The following ZNF195 variants were observed in gnomAD, a reference collection of about 807,000 sequenced individuals.
The protein encoded by ZNF195 is hypoxia-regulated factor-1.
A neutral mutation model predicts 19.5 loss-of-function variants in ZNF195; 11 were observed. That is an observed-to-expected ratio of 0.57 (90% confidence interval 0.36 to 0.94). The LOEUF is 0.94. Among genes scored for constraint, ZNF195 ranks in the 40% least tolerant of loss-of-function variants. ZNF195 has a pLI of 0.01. For synonymous variants in ZNF195, 214 were observed against 248.1 expected (o/e 0.86, Z 1.29); for missense variants, 582 against 709.0 (o/e 0.82, Z 2.03).
rs116966514 is a variant in ZNF195 at position 3,379,064 on chromosome 11, C to T, written c.-24G>A. ...ATCTCCTGGCCTCCAGAGAGCCTGGCGTTTCACTTCTGGATCTCCCGGTGC... is the reference window on the plus strand; with the variant it reads ...ATCTCCTGGCCTCCAGAGAGCCTGGTGTTTCACTTCTGGATCTCCCGGTGC... On this transcript the variant is annotated 5_prime_UTR_variant, in exon 1 of 6. Coordinates refer to ENST00000399602, the MANE Select transcript of ZNF195 (RefSeq NM_001130520.3). The T allele has an allele frequency of 6.2e-3, 9,219 of 1,495,762 alleles. 40 individuals are homozygous for T. Among genetic ancestry groups the T allele is most frequent in the Non-Finnish European group, 7.1e-3 (7,864 of 1,112,548 alleles). The allele number at this position is 1,495,762 out of a possible 1,614,324, so 92.7% of individuals were successfully genotyped here. A position where few individuals can be genotyped will look rare whatever the true frequency, so the allele number is the denominator to read the frequency against.
chr11:3,377,533 C>T (rs1370568541), intron 1 of ZNF195: 7 of 990,690 alleles, frequency 7.1e-6, no homozygotes, highest in Non-Finnish European at 8.7e-6. Flanking sequence ...CTGACAGGGG[C>T]ATGTGATTGG....
At chr11:3,370,451 T>G (rs1188484979) in intron 3 of ZNF195, among the ~76,000 whole-genome samples, 1 of 152,180 alleles carries the variant, frequency 6.6e-6, no homozygotes, top group Non-Finnish European at 1.5e-5. Context: ...ATGCCTAGTG[T>G]TCGGAGAAAA....
intron 3 of ZNF195, chr11:3,362,400 GA>G (rs1260005545): frequency 1.8e-5 from 6 of 328,628 alleles, no homozygotes; most frequent in African/African-American, 1.3e-4. Context: ...TTTGAAAGAT[GA>G]AAGTAGAAAA....
At position 3,370,595 on chromosome 11, in the gene ZNF195, G is replaced by T. The variant is rs138337683; in HGVS notation, c.226+380C>A. On this transcript the variant is annotated intron_variant, in intron 3 of 5. Transcript: ENST00000399602. ...ACCAATCACCATCACCACGCCTCTCGCACACTTCAGACATGATGCAAAGGA... is the reference window on the plus strand; with the variant it reads ...ACCAATCACCATCACCACGCCTCTCTCACACTTCAGACATGATGCAAAGGA... Among the ~76,000 whole-genome samples the T allele has an allele frequency of 6.9e-3, 1,048 of 152,230 alleles. 12 individuals are homozygous for T. The highest frequency in any genetic ancestry group is 0.024 in the African/African-American group (997 of 41,536).
chr11:3,377,464 C>T (rs1464744021), intron 1 of ZNF195, among the ~76,000 whole-genome samples: 1 of 152,248 alleles, frequency 6.6e-6, no homozygotes, highest in African/African-American at 2.4e-5. Context: ...TTGAAACATT[C>T]TGTCTCCCTT....
At chr11:3,375,994 C>T (rs902908610) in intron 1 of ZNF195, among the ~76,000 whole-genome samples, 7 of 152,080 alleles carry the variant, frequency 4.6e-5, no homozygotes, top group Admixed American at 6.6e-5. Flanking sequence ...CTCCCTGTTG[C>T]AATCCTCCTT....
In ZNF195 at chr11:3,360,291, A is replaced by G. The variant is rs1306375322; in HGVS notation, c.717T>C (p.Thr239=). 3.7e-6 allele frequency: 6 copies of G among 1,610,370 alleles called. No homozygotes were observed. In the South Asian group the frequency reaches 5.5e-5, roughly 15 times the overall value. The change falls in exon 6 of 6, where the codon ACT becomes ACC. Residue 239 remains threonine (T), a synonymous_variant. Coordinates refer to ENST00000399602, the MANE Select transcript of ZNF195 (RefSeq NM_001130520.3). The part of the protein sequence containing the change: ...SNLHRRNISN[T]GEKPFKCQEC... ...CTTGACATTTGAAAGGTTTCTCTCC[A>G]GTATTACTTATATTACGTCTATGTA... is the stretch of plus-strand genomic sequence containing the variant.
chr11:3,358,936 A>G lies in ZNF195; in HGVS notation c.*182T>C, dbSNP rs900908418. The G allele has an allele frequency of 1.2e-6, 1 of 823,494 alleles. No homozygotes were observed. Among genetic ancestry groups the G allele is most frequent in the East Asian group, 3.1e-5 (1 of 32,124 alleles). The allele number at this position is 823,494 out of a possible 1,614,324, so 51.0% of individuals were successfully genotyped here. A position where few individuals can be genotyped will look rare whatever the true frequency, so the allele number is the denominator to read the frequency against. On this transcript the variant is annotated 3_prime_UTR_variant, in exon 6 of 6. Coordinates refer to ENST00000399602, the MANE Select transcript of ZNF195 (RefSeq NM_001130520.3). ...AACTGATGCAAGTCTTCCATCTAGT[A>G]TAATTGTAACATTTTTTTCAGAAGA...
intron 1 of ZNF195, among the ~76,000 whole-genome samples, chr11:3,373,138 T>C (rs1462759354): frequency 6.6e-6 from 1 of 152,266 alleles, no homozygotes; most frequent in African/African-American, 2.4e-5. Flanking sequence ...TTCTGAGAGA[T>C]AAATGTCATC....
chr11:3,359,290 G>C lies in ZNF195; in HGVS notation c.1718C>G (p.Thr573Ser), dbSNP rs1848513536. 1 of 1,613,850 alleles carries C rather than the reference G, an allele frequency of 6.2e-7. No homozygotes were observed. Among genetic ancestry groups the C allele is most frequent in the African/African-American group, 1.3e-5 (1 of 74,990 alleles). ...SDITKHKKTHTGEKPYKCDEC... is the reference protein window; with the variant it reads ...SDITKHKKTHSGEKPYKCDEC... Reference sequence around the variant, plus strand: ...GTCACATTTGTAGGGTTTCTCTCCAGTATGGGTTTTCTTATGTTTGGTAAT... The same window carrying C: ...GTCACATTTGTAGGGTTTCTCTCCACTATGGGTTTTCTTATGTTTGGTAAT... Residue 573 changes from threonine to serine, a missense_variant, in exon 6 of 6, where the codon ACT (threonine) becomes AGT (serine). Around this residue, in one of 3 missense-constraint regions of ZNF195, gnomAD observed 407 missense variants for 530.5 expected, o/e 0.77. Transcript: ENST00000399602. This position sits in a 1 kb window ranked among gnomAD's most constrained non-coding sequence, Gnocchi z 5.5.
At chr11:3,373,554 C>A in intron 1 of ZNF195, 3 of 1,535,522 alleles carry the variant, frequency 2.0e-6, no homozygotes, top group Non-Finnish European at 2.6e-6. Flanking sequence ...GTGGACACAA[C>A]CCCTGACCTG....
intron 3 of ZNF195, among the ~76,000 whole-genome samples, chr11:3,368,225 T>C (rs970124880): frequency 2.0e-5 from 3 of 152,304 alleles, no homozygotes; most frequent in South Asian, 4.1e-4. Flanking sequence ...TACAGGACAG[T>C]GACATAGAAA....
chr11:3,376,376 A>G (rs1190790046), intron 1 of ZNF195, among the ~76,000 whole-genome samples: 2 of 152,196 alleles, frequency 1.3e-5, no homozygotes, highest in Non-Finnish European at 2.9e-5. Flanking sequence ...ATGTTTTAAT[A>G]AAGTTTACGA....
intron 2 of ZNF195, 61 bp downstream of exon 2, chr11:3,371,516 C>T (rs1264226754): frequency 1.9e-6 from 3 of 1,608,720 alleles, no homozygotes; most frequent in Non-Finnish European, 1.7e-6. Context: ...AAACATTCCG[C>T]AGAGGAACGA....
chr11:3,377,901 C>T (rs1417894603), intron 1 of ZNF195: 7 of 986,712 alleles, frequency 7.1e-6, no homozygotes, highest in Middle Eastern at 5.2e-4. Context: ...GTGTCTGTGC[C>T]TAGGGAAAAT....
intron 1 of ZNF195, chr11:3,373,564 G>A (rs759939104): frequency 6.5e-7 from 1 of 1,545,304 alleles, no homozygotes; most frequent in South Asian, 1.2e-5. Context: ...CCCCTGACCT[G>A]AGATGCATTT....
At chr11:3,371,502 C>G in intron 2 of ZNF195, 75 bp downstream of exon 2, 14 of 1,600,418 alleles carry the variant, frequency 8.7e-6, no homozygotes, top group Non-Finnish European at 1.2e-5. Context: ...CAGAAACTCC[C>G]AAAAAACATT....
Position 3,367,366 on chromosome 11 carries a change from T to C in ZNF195, c.226+3609A>G, listed in dbSNP as rs112599411. Among the ~76,000 whole-genome samples the C allele has an allele frequency of 7.5e-4, 114 of 152,170 alleles. 6 individuals are homozygous for C. The highest frequency in any genetic ancestry group is 2.6e-3 in the African/African-American group (108 of 41,438). On this transcript the variant is annotated intron_variant, in intron 3 of 5. Coordinates refer to ENST00000399602, the MANE Select transcript of ZNF195 (RefSeq NM_001130520.3). ...TAGTCATAAAATCTGCTATGAAACA[T>C]TGATGTACCATTAAAAAAGAATTTG... is the stretch of plus-strand genomic sequence containing the variant.
At chr11:3,377,091 G>T (rs1181121245) in intron 1 of ZNF195, among the ~76,000 whole-genome samples, 2 of 152,124 alleles carry the variant, frequency 1.3e-5, no homozygotes, top group African/African-American at 4.8e-5. Context: ...TGTATGACTA[G>T]ATATTTAACT....
Sources: allele counts gnomAD v4.1 joint callset (sites outside exome capture counted in the v4.1 genomes callset), GRCh38; gene constraint gnomAD v4.1.1; regional missense constraint gnomAD v4.1.1; non-coding constraint Gnocchi (gnomAD v3.1); transcripts MANE v1.5; gene names NCBI Gene and HGNC (gene_info 2026-07-23, HGNC 2026-07-21).